KIZ: variants seen among roughly 807,000 people sequenced by gnomAD.
The protein encoded by KIZ is centrosomal protein kizuna.
In KIZ, 68 loss-of-function variants were observed where a neutral mutation model predicts 79.6. The ratio of observed to expected loss-of-function variants is 0.85; its 90% CI spans 0.70 to 1.05. The LOEUF (loss-of-function observed/expected upper bound fraction) is 1.05, where lower values mean the gene tolerates loss of function less well. Among genes scored for constraint, KIZ ranks in the 50% least tolerant of loss-of-function variants. The pLI is 0.00. For synonymous variants in KIZ, 280 were observed against 281.8 expected (o/e 0.99, Z 0.06); for missense variants, 797 against 800.4 (o/e 1.00, Z 0.05).
chr20:21,240,132 A>G lies in KIZ; in HGVS notation c.1881-4113A>G, dbSNP rs190424625. ...ATTAATTAAAACTAATTAATTAACT[A>G]TTTTTTTTTTGAGACGGTGTCTCGC... On this transcript the variant is annotated intron_variant, in intron 11 of 12. Coordinates refer to ENST00000619189, the MANE Select transcript of KIZ (RefSeq NM_018474.6). Among the ~76,000 whole-genome samples, 875 of 150,402 alleles carry G rather than the reference A, an allele frequency of 5.8e-3. 9 individuals are homozygous for G. Among genetic ancestry groups the G allele is most frequent in the South Asian group, 0.048 (226 of 4,738 alleles).
chr20:21,177,963 A>G (rs1388842199), intron 6 of KIZ, among the ~76,000 whole-genome samples: 1 of 151,978 alleles, frequency 6.6e-6, no homozygotes, highest in African/African-American at 2.4e-5. Flanking sequence ...CCAATACCAT[A>G]CTGTTTTGAT....
chr20:21,174,369 CTG>C (rs2034346842), intron 6 of KIZ, among the ~76,000 whole-genome samples: 1 of 152,174 alleles, frequency 6.6e-6, no homozygotes, highest in Admixed American at 6.5e-5. Flanking sequence ...GTGCTCCAAA[CTG>C]GCCCTCTGTG....
chr20:21,228,098 T>G (rs969554567), intron 9 of KIZ, among the ~76,000 whole-genome samples: 1 of 152,214 alleles, frequency 6.6e-6, no homozygotes, highest in African/African-American at 2.4e-5. Flanking sequence ...TAATAGGGTC[T>G]CATGGTTAAG....
Position 21,176,316 on chromosome 20 carries a change from G to GTCAA in KIZ, c.1352+13176_1352+13179dup, listed in dbSNP as rs1190267269. Among the ~76,000 whole-genome samples the GTCAA allele has an allele frequency of 2.0e-5, 3 of 152,056 alleles. No homozygotes were observed. The East Asian group carries it at 5.8e-4, about 30-fold the overall frequency. On this transcript the variant is annotated intron_variant, in intron 6 of 12. Coordinates refer to ENST00000619189, the MANE Select transcript of KIZ (RefSeq NM_018474.6). ...GAGAGTGAGACTCTGTCTCAAATCA[G>GTCAA]TCAATCAATCAATCAATCAATCCGG...
At chr20:21,147,760 T>G (rs142264515) in intron 4 of KIZ, among the ~76,000 whole-genome samples, 296 of 152,254 alleles carry the variant, frequency 1.9e-3, no homozygotes, top group Middle Eastern at 3.4e-3. Context: ...GGGACAAACA[T>G]GAGCAATGAG....
At chr20:21,137,314 G>A (rs1394470741) in intron 3 of KIZ, among the ~76,000 whole-genome samples, 1 of 152,010 alleles carries the variant, frequency 6.6e-6, no homozygotes, top group East Asian at 1.9e-4. Flanking sequence ...GCTTCCTGCT[G>A]CTCCACAAAT....
chr20:21,221,613 G>T (rs182376125), intron 9 of KIZ, among the ~76,000 whole-genome samples: 52 of 152,234 alleles, frequency 3.4e-4, no homozygotes, highest in Admixed American at 1.4e-3. Context: ...GCCATTCCTC[G>T]TGGATATTCT....
chr20:21,239,752 TAG>T (rs2037153219), intron 11 of KIZ, among the ~76,000 whole-genome samples: 1 of 152,338 alleles, frequency 6.6e-6, no homozygotes, highest in Admixed American at 6.5e-5. Flanking sequence ...ACTCCACGTA[TAG>T]AGTGTTCACT....
At chr20:21,236,811 A>G (rs2037021341) in intron 11 of KIZ, among the ~76,000 whole-genome samples, 1 of 152,080 alleles carries the variant, frequency 6.6e-6, no homozygotes, top group African/African-American at 2.4e-5. Flanking sequence ...CCTGGCCAAC[A>G]TGGTGAATAT....
At chr20:21,166,519 A>G in intron 6 of KIZ, 1 of 1,546,262 alleles carries the variant, frequency 6.5e-7, no homozygotes, top group Non-Finnish European at 8.9e-7. Context: ...ACGGCCTAAT[A>G]AGCACCTGGC....
intron 6 of KIZ, among the ~76,000 whole-genome samples, chr20:21,182,617 G>A (rs1014117057): frequency 1.3e-5 from 2 of 151,964 alleles, no homozygotes; most frequent in African/African-American, 4.8e-5. Flanking sequence ...GCAACATGGC[G>A]AAACCCTATC....
intron 11 of KIZ, 31 bp downstream of exon 11, chr20:21,232,861 G>A (rs1207288972): frequency 3.4e-6 from 3 of 894,848 alleles, no homozygotes; most frequent in East Asian, 2.5e-5. Flanking sequence ...CTGAATAGCA[G>A]CAACAAGATG....
chr20:21,191,340 G>C (rs1323753923), intron 6 of KIZ, among the ~76,000 whole-genome samples: 1 of 152,190 alleles, frequency 6.6e-6, no homozygotes. Flanking sequence ...AGACATGCCA[G>C]GCAGAAGGAA....
intron 4 of KIZ, among the ~76,000 whole-genome samples, chr20:21,161,484 ACC>A: frequency 3.3e-5 from 1 of 30,084 alleles, no homozygotes; most frequent in South Asian, 3.8e-3. Context: ...GGCACCTGCC[ACC>A]GTGCCCGGCT....
chr20:21,209,061 T>C (rs544919051), intron 7 of KIZ, among the ~76,000 whole-genome samples: 2 of 152,304 alleles, frequency 1.3e-5, no homozygotes, highest in African/African-American at 4.8e-5. Flanking sequence ...CTCAGAAATA[T>C]TTACTTTGAT....
chr20:21,131,884 A>G (rs2031868016), intron 1 of KIZ: 1 of 386,436 alleles, frequency 2.6e-6, no homozygotes, highest in East Asian at 4.5e-5. Flanking sequence ...CGACTGCTGC[A>G]TACTTTTGTG....
At chr20:21,142,469 A>G (rs1295272742) in intron 3 of KIZ, among the ~76,000 whole-genome samples, 1 of 152,098 alleles carries the variant, frequency 6.6e-6, no homozygotes, top group African/African-American at 2.4e-5. Context: ...ACCATGAACT[A>G]CTACTATGTG....
chr20:21,202,123 A>G (rs1286532743), intron 6 of KIZ, among the ~76,000 whole-genome samples: 3 of 152,206 alleles, frequency 2.0e-5, no homozygotes, highest in African/African-American at 7.2e-5. Context: ...GATAGATGCA[A>G]TTGGGTGGTG....
intron 1 of KIZ, among the ~76,000 whole-genome samples, chr20:21,130,922 C>G (rs142086981): frequency 6.6e-6 from 1 of 152,264 alleles, no homozygotes; most frequent in African/African-American, 2.4e-5. Flanking sequence ...CCCTTTCCCT[C>G]AGGAAGCCAA....
Sources: allele counts gnomAD v4.1 joint callset (sites outside exome capture counted in the v4.1 genomes callset), GRCh38; gene constraint gnomAD v4.1.1; transcripts MANE v1.5; gene names NCBI Gene and HGNC (gene_info 2026-07-23, HGNC 2026-07-21).